Variants in CSMD1 observed in about 807,000 individuals in gnomAD.
The protein encoded by CSMD1 is CUB and Sushi multiple domains 1.
CSMD1 carries 213 observed loss-of-function variants against 417.5 expected under a neutral mutation model. The observed-to-expected ratio is 0.51, with a 90% CI of 0.46 to 0.57. The LOEUF (loss-of-function observed/expected upper bound fraction) is 0.57. CSMD1 is among the 20% of genes least tolerant of loss of function. The pLI is 0.00. For missense variants in CSMD1, 6,923 were observed against 4,529.7 expected (o/e 1.53, Z -15.17); for synonymous variants, 2,862 against 1,736.8 (o/e 1.65, Z -16.11).
At chr8:3,408,919 A>T (rs569156772) in intron 13 of CSMD1, among the ~76,000 whole-genome samples, 24 of 152,100 alleles carry the variant, frequency 1.6e-4, no homozygotes, top group Middle Eastern at 3.4e-3. Context: ...ATTTACAAAT[A>T]AAAAAAACCT....
chr8:4,338,660 G>C (rs964392727), intron 3 of CSMD1, among the ~76,000 whole-genome samples: 9 of 151,994 alleles, frequency 5.9e-5, no homozygotes, highest in Non-Finnish European at 8.8e-5. Flanking sequence ...TGTGCTCACG[G>C]GTGAGTCAGA....
chr8:4,645,928 C>A (rs569864199), intron 1 of CSMD1, among the ~76,000 whole-genome samples: 11 of 152,120 alleles, frequency 7.2e-5, no homozygotes, highest in African/African-American at 1.9e-4. Flanking sequence ...CCATGTAACA[C>A]GACTTTAGAG....
intron 10 of CSMD1, among the ~76,000 whole-genome samples, chr8:3,546,232 G>A (rs932010199): frequency 6.6e-6 from 1 of 151,710 alleles, no homozygotes; most frequent in Admixed American, 6.6e-5. Context: ...TGCAGATAGT[G>A]CCCTCAATGG....
At chr8:4,451,426 A>T (rs1201667171) in intron 2 of CSMD1, among the ~76,000 whole-genome samples, 2 of 152,188 alleles carry the variant, frequency 1.3e-5, no homozygotes, top group Non-Finnish European at 2.9e-5. Context: ...TTCCACACTG[A>T]AAAAGTGGTC....
chr8:3,198,902 T>C lies in CSMD1; in HGVS notation c.5194+812A>G, dbSNP rs891491226. 1.4e-4 allele frequency among the ~76,000 whole-genome samples: 18 copies of C among 129,190 alleles called. No homozygotes were observed. The East Asian group carries it at 3.3e-3, about 24-fold the overall frequency. The allele number at this position is 129,190 out of a possible 152,430, so 84.8% of individuals were successfully genotyped here. ...TTAGTATCTGTAGCCTCCAGCAAAA[T>C]TGAGACCTAGAAAAACTAAAATATT... On this transcript the variant is annotated intron_variant, in intron 33 of 69. Coordinates refer to ENST00000635120, the MANE Select transcript of CSMD1 (RefSeq NM_033225.6).
At chr8:3,313,066 G>A (rs1196851029) in intron 23 of CSMD1, among the ~76,000 whole-genome samples, 4 of 152,162 alleles carry the variant, frequency 2.6e-5, no homozygotes, top group African/African-American at 9.7e-5. Flanking sequence ...AAAATTCTAT[G>A]ATGTTAATTC....
chr8:4,990,537 A>T (rs896745545), intron 1 of CSMD1, among the ~76,000 whole-genome samples: 4 of 151,664 alleles, frequency 2.6e-5, no homozygotes, highest in African/African-American at 9.7e-5. Flanking sequence ...CTAATTTCGT[A>T]TTTTTTTTGT....
intron 7 of CSMD1, among the ~76,000 whole-genome samples, chr8:3,668,763 C>T (rs551104621): frequency 2.6e-4 from 39 of 152,258 alleles, no homozygotes; most frequent in Admixed American, 1.1e-3. Flanking sequence ...CCATACTGAA[C>T]ATCCTGTATC....
chr8:4,398,464 G>A (rs1030307096), intron 3 of CSMD1, among the ~76,000 whole-genome samples: 2 of 143,916 alleles, frequency 1.4e-5, no homozygotes, highest in Admixed American at 7.4e-5. Context: ...TGCGATCTCG[G>A]CTCACTGCAA....
chr8:3,924,736 T>C (rs1156486184), intron 5 of CSMD1, among the ~76,000 whole-genome samples: 1 of 151,704 alleles, frequency 6.6e-6, no homozygotes, highest in Non-Finnish European at 1.5e-5. Context: ...ACCTCTTTGT[T>C]GAACTACTCA....
At chr8:3,708,170 C>G (rs1801285586) in intron 7 of CSMD1, among the ~76,000 whole-genome samples, 1 of 152,128 alleles carries the variant, frequency 6.6e-6, no homozygotes, top group Non-Finnish European at 1.5e-5. Context: ...TCTGGAGGGT[C>G]CAGTCTCAGA....
intron 7 of CSMD1, among the ~76,000 whole-genome samples, chr8:3,631,947 C>G (rs936780909): frequency 6.6e-6 from 1 of 152,174 alleles, no homozygotes; most frequent in African/African-American, 2.4e-5. Flanking sequence ...TGTATGTTAA[C>G]AAATTTCAAC....
chr8:4,003,709 T>G, intron 4 of CSMD1, among the ~76,000 whole-genome samples: 1 of 152,190 alleles, frequency 6.6e-6, no homozygotes, highest in East Asian at 1.9e-4. Flanking sequence ...ATTAACACAG[T>G]GCTTCAGGCG....
intron 2 of CSMD1, among the ~76,000 whole-genome samples, chr8:4,420,917 C>G (rs1415952283): frequency 2.0e-5 from 3 of 152,212 alleles, no homozygotes; most frequent in East Asian, 1.9e-4. Flanking sequence ...TCCTCCCTCC[C>G]TGTCTTTTGG....
In CSMD1 at chr8:2,954,209, T is replaced by G. The variant is rs1337865178; in HGVS notation, c.10039+15A>C. 1 of 1,452,452 alleles carries G rather than the reference T, an allele frequency of 6.9e-7. No homozygotes were observed. Among genetic ancestry groups the G allele is most frequent in the Non-Finnish European group, 9.4e-7 (1 of 1,064,682 alleles). The allele number at this position is 1,452,452 out of a possible 1,614,324, so 90.0% of individuals were successfully genotyped here. ...TTTATTGGATTGAAATCTAGAACTG[T>G]TCTGGTATACAAACCTGGAGTTTTA... On this transcript the variant is annotated intron_variant, in intron 65 of 69. Coordinates refer to ENST00000635120, the MANE Select transcript of CSMD1 (RefSeq NM_033225.6).
intron 3 of CSMD1, among the ~76,000 whole-genome samples, chr8:4,381,740 G>C (rs943062317): frequency 1.3e-5 from 2 of 152,094 alleles, no homozygotes; most frequent in African/African-American, 4.8e-5. Context: ...TTTAGGCTTC[G>C]ATGCTATGTT....
chr8:3,970,561 C>A (rs1416701605), intron 5 of CSMD1, among the ~76,000 whole-genome samples: 1 of 152,068 alleles, frequency 6.6e-6, no homozygotes, highest in Non-Finnish European at 1.5e-5. Flanking sequence ...TAGTGATTTG[C>A]AACGGAAATG....
At chr8:3,886,583 T>C (rs1351754279) in intron 5 of CSMD1, among the ~76,000 whole-genome samples, 1 of 152,196 alleles carries the variant, frequency 6.6e-6, no homozygotes, top group East Asian at 1.9e-4. Context: ...AGGAAAAGTT[T>C]ATTTTCCAAA....
intron 6 of CSMD1, among the ~76,000 whole-genome samples, chr8:3,752,106 C>G (rs1279114471): frequency 6.6e-6 from 1 of 152,132 alleles, no homozygotes; most frequent in Non-Finnish European, 1.5e-5. Flanking sequence ...CTCCCACCGC[C>G]AACACGTCCA....
Sources: gnomAD v4.1 joint callset for allele counts (sites outside exome capture counted in the v4.1 genomes callset) on GRCh38, gnomAD v4.1.1 for gene constraint, MANE v1.5 for transcripts, NCBI Gene and HGNC (gene_info 2026-07-23, HGNC 2026-07-21) for gene names.